Variants in RFX3 observed in about 807,000 individuals in gnomAD.
RFX3 encodes the protein regulatory factor X3, also known as transcription factor RFX3.
RFX3 carries 14 observed loss-of-function variants against 98.6 expected under a neutral mutation model. That is an observed-to-expected ratio of 0.14 (90% CI 0.09 to 0.22). The LOEUF is 0.22. RFX3 is among the 10% of genes least tolerant of loss of function. The pLI is 1.00. For missense variants in RFX3, 639 were observed against 926.9 expected (o/e 0.69, Z 4.03); for synonymous variants, 383 against 328.4 (o/e 1.17, Z -1.80).
chr9:3,264,276 T>C (rs1037287386), intron 12 of RFX3, among the ~76,000 whole-genome samples: 2 of 152,184 alleles, frequency 1.3e-5, no homozygotes, highest in African/African-American at 2.4e-5. Context: ...ATAGATCTAA[T>C]GATTTTAATC....
chr9:3,504,939 T>TA (rs1564185881), intron 1 of RFX3, among the ~76,000 whole-genome samples: 5 of 73,536 alleles, frequency 6.8e-5, no homozygotes, highest in African/African-American at 3.2e-4. Flanking sequence ...ATATATAATA[T>TA]ATATAATATA....
chr9:3,353,537 C>A (rs557114160), intron 2 of RFX3, among the ~76,000 whole-genome samples: 2 of 152,032 alleles, frequency 1.3e-5, no homozygotes, highest in East Asian at 1.9e-4. Flanking sequence ...AGTGGTAAGA[C>A]TGTAGTGAAC....
At chr9:3,444,112 G>A (rs1259921970) in intron 1 of RFX3, among the ~76,000 whole-genome samples, 1 of 152,082 alleles carries the variant, frequency 6.6e-6, no homozygotes, top group South Asian at 2.1e-4. Flanking sequence ...CATGTACATC[G>A]ATAGTCATAA....
chr9:3,441,423 T>A (rs1845601705), intron 1 of RFX3, among the ~76,000 whole-genome samples: 1 of 152,052 alleles, frequency 6.6e-6, no homozygotes, highest in Non-Finnish European at 1.5e-5. Context: ...AACCAGCATA[T>A]CCAGTGTCCA....
At chr9:3,420,322 T>A (rs1843336789) in intron 1 of RFX3, among the ~76,000 whole-genome samples, 1 of 152,122 alleles carries the variant, frequency 6.6e-6, no homozygotes. Context: ...AGAGGACAGC[T>A]GAAATGTGAA....
chr9:3,509,416 T>G lies in RFX3; in HGVS notation c.-9+16331A>C, dbSNP rs574053274. On this transcript the variant is annotated intron_variant, in intron 1 of 16. Coordinates refer to ENST00000617270, the MANE Select transcript of RFX3 (RefSeq NM_001282116.2). ...TACCCTCATCAAAAAAGTAAAGACG[T>G]GCATACCAGGACTGAAAATTATTTA... Among the ~76,000 whole-genome samples the G allele has an allele frequency of 1.4e-3, 207 of 152,058 alleles. 1 individual carries two copies. Among genetic ancestry groups the G allele is most frequent in the African/African-American group, 4.8e-3 (201 of 41,534 alleles).
chr9:3,354,323 C>A (rs1281650161), intron 2 of RFX3, among the ~76,000 whole-genome samples: 1 of 151,702 alleles, frequency 6.6e-6, no homozygotes, highest in Non-Finnish European at 1.5e-5. Context: ...TTGCAGGATC[C>A]ACTGAGGCCA....
At chr9:3,521,451 A>C (rs996182705) in intron 1 of RFX3, among the ~76,000 whole-genome samples, 12 of 152,166 alleles carry the variant, frequency 7.9e-5, no homozygotes, top group African/African-American at 2.9e-4. Context: ...CTTTAAATAA[A>C]AGTTCTAGTG....
intron 1 of RFX3, among the ~76,000 whole-genome samples, chr9:3,489,070 T>C (rs994954870): frequency 6.6e-6 from 1 of 152,160 alleles, no homozygotes; most frequent in Admixed American, 6.6e-5. Context: ...TTCAAAAATT[T>C]ACCAGATTAT....
chr9:3,289,911 A>G (rs1203206144), intron 6 of RFX3, among the ~76,000 whole-genome samples: 1 of 152,114 alleles, frequency 6.6e-6, no homozygotes, highest in Non-Finnish European at 1.5e-5. Context: ...GATAGATAAT[A>G]TTAATAATAG....
chr9:3,277,606 A>G (rs755418627), intron 7 of RFX3, 145 bp from the exon 8 acceptor site: 49 of 647,090 alleles, frequency 7.6e-5, no homozygotes, highest in Non-Finnish European at 1.1e-4. Context: ...TGATAGTCTC[A>G]TAAAGTTAGA....
chr9:3,498,384 C>G (rs926974477), intron 1 of RFX3, among the ~76,000 whole-genome samples: 4 of 151,944 alleles, frequency 2.6e-5, no homozygotes, highest in African/African-American at 4.8e-5. Context: ...TTATCATAAT[C>G]ATCAGTTTTA....
chr9:3,420,954 C>A (rs116342870), intron 1 of RFX3: 1 of 975,026 alleles, frequency 1.0e-6, no homozygotes, highest in Admixed American at 6.6e-5. Flanking sequence ...GTGGCTACAA[C>A]AGAAACTAGC....
chr9:3,488,945 T>C, intron 1 of RFX3: 4 of 939,920 alleles, frequency 4.3e-6, no homozygotes, highest in Non-Finnish European at 5.1e-6. Flanking sequence ...CCTTGTTCCC[T>C]GTGAAGACTG....
At chr9:3,431,714 G>C (rs1844671950) in intron 1 of RFX3, among the ~76,000 whole-genome samples, 3 of 152,184 alleles carry the variant, frequency 2.0e-5, no homozygotes. Context: ...GCAAAGGATG[G>C]TTTGGTAATT....
chr9:3,286,739 T>G (rs1025348969), intron 7 of RFX3, among the ~76,000 whole-genome samples: 1 of 151,944 alleles, frequency 6.6e-6, no homozygotes, highest in Non-Finnish European at 1.5e-5. Flanking sequence ...CCAAACTACT[T>G]TTAAGATCTC....
intron 1 of RFX3, among the ~76,000 whole-genome samples, chr9:3,427,396 TATAA>T (rs1210043548): frequency 7.2e-6 from 1 of 137,942 alleles, no homozygotes; most frequent in Admixed American, 7.3e-5. Context: ...ATACAATATA[TATAA>T]ATATATATTG....
At chr9:3,253,328 T>C (rs1291618969) in intron 14 of RFX3, among the ~76,000 whole-genome samples, 1 of 152,222 alleles carries the variant, frequency 6.6e-6, no homozygotes, top group Non-Finnish European at 1.5e-5. Context: ...AAAAGAGTAT[T>C]ACTTTTTGGA....
intron 1 of RFX3, among the ~76,000 whole-genome samples, chr9:3,402,357 G>A (rs762240888): frequency 1.4e-4 from 21 of 152,138 alleles, no homozygotes; most frequent in Non-Finnish European, 2.6e-4. Flanking sequence ...AAGCTCAACA[G>A]AGAATTTCCT....
Sources: gnomAD v4.1 joint callset for allele counts (sites outside exome capture counted in the v4.1 genomes callset) on GRCh38, gnomAD v4.1.1 for gene constraint, MANE v1.5 for transcripts, NCBI Gene and HGNC (gene_info 2026-07-23, HGNC 2026-07-21) for gene names.